Variants in SIPA1L3 observed in about 807,000 individuals in gnomAD.
SIPA1L3 encodes the protein signal induced proliferation associated 1 like 3, also known as signal-induced proliferation-associated 1-like protein 3.
SIPA1L3 carries 59 observed loss-of-function variants against 150.1 expected under a neutral mutation model. That is an observed-to-expected ratio of 0.39 (90% CI 0.32 to 0.49). The LOEUF is 0.49. SIPA1L3 is among the 20% of genes least tolerant of loss of function. The pLI is 0.86. For synonymous variants in SIPA1L3, 1,070 were observed against 1,077.6 expected (o/e 0.99, Z 0.14); for missense variants, 2,211 against 2,489.5 (o/e 0.89, Z 2.38).
At chr19:37,962,390 C>T (rs975450041) in intron 1 of SIPA1L3, among the ~76,000 whole-genome samples, 10 of 150,668 alleles carry the variant, frequency 6.6e-5, no homozygotes, top group Admixed American at 4.6e-4. Flanking sequence ...GTGATCTGCC[C>T]GCCTCGGCCT....
intron 16 of SIPA1L3, among the ~76,000 whole-genome samples, chr19:38,188,307 C>A (rs1972732521): frequency 6.6e-6 from 1 of 151,868 alleles, no homozygotes; most frequent in Non-Finnish European, 1.5e-5. Context: ...GCCTCAGCCT[C>A]CCGAGTAGCT....
intron 1 of SIPA1L3, among the ~76,000 whole-genome samples, chr19:37,971,914 C>T (rs1966950944): frequency 6.6e-6 from 1 of 152,154 alleles, no homozygotes; most frequent in Non-Finnish European, 1.5e-5. Context: ...TGAATCAGTA[C>T]TTCATTCCTT....
chr19:38,089,032 G>A (rs1970203951), intron 4 of SIPA1L3, among the ~76,000 whole-genome samples, 181 bp downstream of exon 4: 1 of 152,028 alleles, frequency 6.6e-6, no homozygotes, highest in African/African-American at 2.4e-5. Flanking sequence ...GAATTTAAAT[G>A]ACTTCTGGCC....
At chr19:37,934,410 C>A (rs2046582301) in intron 1 of SIPA1L3, among the ~76,000 whole-genome samples, 2 of 152,170 alleles carry the variant, frequency 1.3e-5, no homozygotes, top group South Asian at 2.1e-4. Flanking sequence ...GTTGAGGACT[C>A]TCCTATTACA....
chr19:37,973,486 C>T (rs946407899), intron 1 of SIPA1L3, among the ~76,000 whole-genome samples: 3 of 143,032 alleles, frequency 2.1e-5, no homozygotes, highest in South Asian at 2.3e-4. Context: ...CCACCCACCT[C>T]GGTCTCCCAA....
At chr19:38,178,089 GT>G (rs1568594673) in intron 15 of SIPA1L3, among the ~76,000 whole-genome samples, 109 of 8,094 alleles carry the variant, frequency 0.013, 2 homozygotes, top group African/African-American at 3.1e-3. Context: ...GGCTTTTGGT[GT>G]GTGTGTGTGT....
At chr19:38,073,385 G>A (rs1969764404) in intron 2 of SIPA1L3, among the ~76,000 whole-genome samples, 1 of 152,192 alleles carries the variant, frequency 6.6e-6, no homozygotes, top group Admixed American at 6.5e-5. Context: ...GACATGAGAT[G>A]ACTAAATGTC....
At chr19:38,094,283 C>T (rs1970328959) in intron 4 of SIPA1L3, among the ~76,000 whole-genome samples, 1 of 152,152 alleles carries the variant, frequency 6.6e-6, no homozygotes, top group South Asian at 2.1e-4. Context: ...AGGTCTTACT[C>T]TGTCCCCTGG....
At chr19:38,084,634 TC>T (rs375158276) in intron 3 of SIPA1L3, among the ~76,000 whole-genome samples, 18 of 145,446 alleles carry the variant, frequency 1.2e-4, no homozygotes, top group Admixed American at 4.1e-4. Flanking sequence ...TTTTTCTTTT[TC>T]TTTTTTTTTT....
chr19:37,973,323 G>A (rs534581042), intron 1 of SIPA1L3, among the ~76,000 whole-genome samples: 22 of 146,414 alleles, frequency 1.5e-4, no homozygotes, highest in Admixed American at 7.1e-4. Context: ...TGCAACCTCC[G>A]CTTCCTGGGT....
chr19:38,083,228 C>G, intron 3 of SIPA1L3, 129 bp downstream of exon 3: 1 of 1,004,856 alleles, frequency 1.0e-6, no homozygotes, highest in South Asian at 1.5e-5. Context: ...ACAGAGACCT[C>G]CCTTCTGGAG....
At chr19:38,123,231 C>T (rs937777732) in intron 9 of SIPA1L3, among the ~76,000 whole-genome samples, 50 of 151,976 alleles carry the variant, frequency 3.3e-4, no homozygotes, top group Non-Finnish European at 5.3e-4. Flanking sequence ...TTGCCCAGAG[C>T]CCAAAGAGCC....
intron 13 of SIPA1L3, among the ~76,000 whole-genome samples, chr19:38,153,801 G>A (rs940468635): frequency 6.6e-6 from 1 of 151,724 alleles, no homozygotes; most frequent in Non-Finnish European, 1.5e-5. Context: ...AGGCGTGGTG[G>A]TACATGCCTG....
At chr19:37,976,610 G>C (rs1280257953) in intron 1 of SIPA1L3, among the ~76,000 whole-genome samples, 2 of 152,072 alleles carry the variant, frequency 1.3e-5, no homozygotes, top group East Asian at 1.9e-4. Context: ...AGACACTGCA[G>C]CCCGCCTCCT....
intron 1 of SIPA1L3, among the ~76,000 whole-genome samples, chr19:37,966,665 G>C (rs1403430837): frequency 6.6e-6 from 1 of 152,130 alleles, no homozygotes; most frequent in African/African-American, 2.4e-5. Context: ...CCTCCCCAGT[G>C]TTTTCTTCTG....
chr19:38,090,392 G>T (rs1011967949), intron 4 of SIPA1L3, among the ~76,000 whole-genome samples: 2 of 150,186 alleles, frequency 1.3e-5, no homozygotes, highest in African/African-American at 2.4e-5. Context: ...CTCTGCTTTA[G>T]ATCACAAGCC....
At chr19:38,131,209 A>AGGC (rs1971299422) in intron 10 of SIPA1L3, among the ~76,000 whole-genome samples, 1 of 152,250 alleles carries the variant, frequency 6.6e-6, no homozygotes, top group Non-Finnish European at 1.5e-5. Flanking sequence ...AGGGAAAGAC[A>AGGC]GGCCGTGAAG....
rs556063853 is a variant in SIPA1L3, at chr19:38,117,067, G to A, written c.2292-2239G>A. ...ATCAACAGATCTTCTCCCTGTCCGG[G>A]CTCAGGGCTCCTTCCGCCCAGAAGC... On this transcript the variant is annotated intron_variant, in intron 8 of 21. Transcript: ENST00000222345. Among the ~76,000 whole-genome samples, 30 of 152,296 alleles carry A rather than the reference G, an allele frequency of 2.0e-4. No individual in the cohort carries two copies. The East Asian group carries it at 4.8e-3, about 24-fold the overall frequency.
At chr19:38,021,370 T>C (rs187436280) in intron 1 of SIPA1L3, among the ~76,000 whole-genome samples, 14 of 152,302 alleles carry the variant, frequency 9.2e-5, no homozygotes, top group Middle Eastern at 3.4e-3. Flanking sequence ...CTTGCCGCCA[T>C]GGCCTTAAGA....
Sources: allele counts gnomAD v4.1 joint callset (sites outside exome capture counted in the v4.1 genomes callset), GRCh38; gene constraint gnomAD v4.1.1; transcripts MANE v1.5; gene names NCBI Gene and HGNC (gene_info 2026-07-23, HGNC 2026-07-21).